Variants in SLCO3A1 observed in about 807,000 individuals in gnomAD.
SLCO3A1 encodes the protein solute carrier organic anion transporter family member 3A1.
Under a neutral mutation model 63.1 loss-of-function variants are expected in SLCO3A1, and 27 were observed. The observed-to-expected ratio is 0.43, with a 90% CI of 0.32 to 0.59. The LOEUF is 0.59. Among genes scored for constraint, SLCO3A1 ranks in the 20% least tolerant of loss-of-function variants. The pLI is 0.09. For missense variants in SLCO3A1, 773 were observed against 945.8 expected, an observed-to-expected ratio of 0.82 and a Z score of 2.40; for synonymous variants, 473 against 409.9, an observed-to-expected ratio of 1.15 and a Z score of -1.86.
intron 7 of SLCO3A1, among the ~76,000 whole-genome samples, chr15:92,143,607 T>G: frequency 7.3e-6 from 1 of 136,590 alleles, no homozygotes; most frequent in South Asian, 2.3e-4. Context: ...GGAAGATGGA[T>G]TTGATGTAGG....
intron 2 of SLCO3A1, among the ~76,000 whole-genome samples, chr15:92,085,667 G>A (rs368634261): frequency 1.3e-5 from 2 of 152,224 alleles, no homozygotes; most frequent in Non-Finnish European, 2.9e-5. Flanking sequence ...TGCCTGAAAC[G>A]TAGATACACA....
In SLCO3A1 at chr15:92,094,971, T is replaced by C; in HGVS notation, c.737T>C (p.Ile246Thr). Reference sequence around the variant, plus strand: ...AAAATCTACGTGGATGCGGTCTTCATTGACACAAGTAAGGAATATATCTCC... The same window carrying C: ...AAAATCTACGTGGATGCGGTCTTCACTGACACAAGTAAGGAATATATCTCC... Reference protein sequence around the residue: ...CTKIYVDAVFIDTSNLDITPD... With the variant: ...CTKIYVDAVFTDTSNLDITPD... Residue 246 changes from isoleucine to threonine, a missense_variant, in exon 3 of 10, where the codon ATT becomes ACT. By Grantham distance (89) the Ile-to-Thr change is moderately conservative (BLOSUM62 -1). Transcript: ENST00000318445. The C allele has an allele frequency of 6.3e-7, 1 of 1,599,948 alleles. No homozygotes were observed. Among genetic ancestry groups the C allele is most frequent in the Non-Finnish European group, 8.6e-7 (1 of 1,166,992 alleles).
intron 2 of SLCO3A1, among the ~76,000 whole-genome samples, chr15:91,926,440 C>T (rs1333444519): frequency 6.6e-6 from 1 of 152,116 alleles, no homozygotes; most frequent in East Asian, 1.9e-4. Flanking sequence ...TACTTGACTG[C>T]AATTGCCAAA....
At chr15:92,082,346 T>A (rs1309005213) in intron 2 of SLCO3A1, among the ~76,000 whole-genome samples, 1 of 152,178 alleles carries the variant, frequency 6.6e-6, no homozygotes, top group Non-Finnish European at 1.5e-5. Flanking sequence ...AAGTGGGTGA[T>A]GAGAAACGCA....
intron 1 of SLCO3A1, among the ~76,000 whole-genome samples, chr15:91,893,066 A>G: frequency 6.6e-6 from 1 of 152,252 alleles, no homozygotes; most frequent in East Asian, 1.9e-4. Flanking sequence ...AATAATTTCT[A>G]GAACTCAAAT....
chr15:92,022,854 G>C (rs2046527303), intron 2 of SLCO3A1, among the ~76,000 whole-genome samples: 1 of 149,446 alleles, frequency 6.7e-6, no homozygotes, highest in Non-Finnish European at 1.5e-5. Context: ...GGCAGAAAAG[G>C]CAGGGGCACT....
chr15:92,128,478 T>A lies in SLCO3A1; in HGVS notation c.1501T>A (p.Cys501Ser). 6.2e-7 allele frequency: 1 copy of A among 1,613,634 alleles called. No individual in the cohort carries two copies. Among genetic ancestry groups the A allele is most frequent in the Non-Finnish European group, 8.5e-7 (1 of 1,179,796 alleles). ...CTACCTGTCTGCCTGCTTTGCTGGC[T>A]GCAACAGCACGGTAATGGGATGGGG... ...ITYLSACFAG[C>S]NSTNLTGCAC... is the part of the protein sequence containing the mutation. Residue 501 changes from cysteine (C) to serine (S), a missense_variant, in exon 7 of 10, where the codon TGC (cysteine) becomes AGC (serine). By Grantham distance (112) the Cys-to-Ser change is moderately radical. Coordinates refer to ENST00000318445, the MANE Select transcript of SLCO3A1 (RefSeq NM_013272.4).
In SLCO3A1 at chr15:91,860,162, G is replaced by A. The variant is rs557030794; in HGVS notation, c.180+6074G>A. Among the ~76,000 whole-genome samples, 1 of 152,186 alleles carries A rather than the reference G, an allele frequency of 6.6e-6. No individual in the cohort carries two copies. Among genetic ancestry groups the A allele is most frequent in the East Asian group, 1.9e-4 (1 of 5,186 alleles). On this transcript the variant is annotated intron_variant, in intron 1 of 9. Coordinates refer to ENST00000318445, the MANE Select transcript of SLCO3A1 (RefSeq NM_013272.4). The surrounding 1 kb of genome is among the most constrained non-coding windows in gnomAD (Gnocchi z 5.5). ...AAAGCAGGGCAGGCAGGACTGGCTG[G>A]GCGGGGCAGGTACCCTGATGCTTCA... is the stretch of plus-strand genomic sequence containing the variant.
chr15:92,146,391 G>A (rs769051488), intron 7 of SLCO3A1, among the ~76,000 whole-genome samples: 1 of 152,188 alleles, frequency 6.6e-6, no homozygotes, highest in Non-Finnish European at 1.5e-5. Flanking sequence ...CCCACGAGCT[G>A]CTCCAAGCTC....
chr15:92,036,862 G>A (rs2046734269), intron 2 of SLCO3A1, among the ~76,000 whole-genome samples: 2 of 152,176 alleles, frequency 1.3e-5, no homozygotes, highest in Non-Finnish European at 2.9e-5. Context: ...CAACAGAAAT[G>A]GAGGAGGCGA....
intron 2 of SLCO3A1, among the ~76,000 whole-genome samples, chr15:92,009,576 G>T (rs2046347487): frequency 6.6e-6 from 1 of 152,146 alleles, no homozygotes; most frequent in African/African-American, 2.4e-5. Context: ...ATTTGGATTT[G>T]GCTCTACCAC....
chr15:92,111,184 C>A (rs1021314630), intron 4 of SLCO3A1, among the ~76,000 whole-genome samples: 2 of 152,162 alleles, frequency 1.3e-5, no homozygotes, highest in Non-Finnish European at 2.9e-5. Flanking sequence ...TCCACATGAC[C>A]CAGCTCATGC....
Position 91,886,278 on chromosome 15 carries a change from C to G in SLCO3A1, c.181-29715C>G, listed in dbSNP as rs893166453. 2.0e-5 allele frequency among the ~76,000 whole-genome samples: 3 copies of G among 152,220 alleles called. No individual in the cohort carries two copies. Among genetic ancestry groups the G allele is most frequent in the Non-Finnish European group, 4.4e-5 (3 of 68,044 alleles). On this transcript the variant is annotated intron_variant, in intron 1 of 9. Transcript: ENST00000318445. This position sits in a 1 kb window ranked among gnomAD's most constrained non-coding sequence, Gnocchi z 4.9. ...ATTGTATCTTTTTCTCACCAGCTAA[C>G]TCTTACTAATTAGAAATTGACAACA...
chr15:92,054,352 T>C (rs961850357), intron 2 of SLCO3A1, among the ~76,000 whole-genome samples: 1 of 152,250 alleles, frequency 6.6e-6, no homozygotes, highest in African/African-American at 2.4e-5. Context: ...TATGTTTGTT[T>C]GTTTGTTTTA....
intron 2 of SLCO3A1, among the ~76,000 whole-genome samples, chr15:91,952,147 G>C (rs1900022124): frequency 6.6e-6 from 1 of 152,124 alleles, no homozygotes; most frequent in Admixed American, 6.5e-5. Flanking sequence ...GTGCTTATCG[G>C]CTATTTGTAC....
intron 2 of SLCO3A1, among the ~76,000 whole-genome samples, chr15:91,952,841 A>G (rs1309031849): frequency 1.3e-5 from 2 of 152,250 alleles, no homozygotes; most frequent in African/African-American, 2.4e-5. Flanking sequence ...CCCATCTCCA[A>G]AATCTAATTC....
intron 7 of SLCO3A1, among the ~76,000 whole-genome samples, chr15:92,131,364 CTTT>C (rs1176368440): frequency 7.9e-6 from 1 of 127,118 alleles, no homozygotes. Flanking sequence ...CCTCCCACCT[CTTT>C]TTTTTTTTTT....
chr15:92,022,594 G>A (rs1469320251), intron 2 of SLCO3A1, among the ~76,000 whole-genome samples: 1 of 152,134 alleles, frequency 6.6e-6, no homozygotes, highest in Non-Finnish European at 1.5e-5. Context: ...TTTTGTTTTC[G>A]AATTCACCCA....
chr15:92,014,442 C>T (rs576049648), intron 2 of SLCO3A1, among the ~76,000 whole-genome samples: 1 of 152,286 alleles, frequency 6.6e-6, no homozygotes, highest in Admixed American at 6.5e-5. Context: ...TTTTCAATTA[C>T]AGTCATAATT....
Sources: allele counts gnomAD v4.1 joint callset (sites outside exome capture counted in the v4.1 genomes callset), GRCh38; gene constraint gnomAD v4.1.1; non-coding constraint Gnocchi (gnomAD v3.1); transcripts MANE v1.5; gene names NCBI Gene and HGNC (gene_info 2026-07-23, HGNC 2026-07-21).